Variants in ANKRD27 observed in about 807,000 individuals in gnomAD.
ANKRD27 encodes the protein ankyrin repeat domain-containing protein 27.
Under a neutral mutation model 129.7 loss-of-function variants are expected in ANKRD27, and 112 were observed. That is an observed-to-expected ratio of 0.86 (90% CI 0.74 to 1.01). ANKRD27 has a LOEUF of 1.01. Ranked by LOEUF, ANKRD27 falls within the 50% of genes least tolerant of loss-of-function variation. The probability of loss-of-function intolerance (pLI) is 0.00; values close to 1 mark genes in which losing one functional copy is unlikely to be tolerated. For synonymous variants in ANKRD27, 516 were observed against 511.2 expected (o/e 1.01, Z -0.13); for missense variants, 1,258 against 1,300.5 (o/e 0.97, Z 0.50).
intron 1 of ANKRD27, among the ~76,000 whole-genome samples, chr19:32,671,313 A>C (rs988553884): frequency 1.3e-5 from 2 of 151,864 alleles, no homozygotes; most frequent in African/African-American, 4.8e-5. Context: ...ATAATCTCAT[A>C]TGATCTGGTG....
chr19:32,609,432 T>C (rs7250272), intron 22 of ANKRD27, among the ~76,000 whole-genome samples: 88,861 of 152,000 alleles, frequency 0.58, 27,098 homozygotes, highest in Non-Finnish European at 0.69. Flanking sequence ...AGATGTCCAT[T>C]AACAGGTGAA....
chr19:32,667,850 T>G (rs1599779223), intron 1 of ANKRD27, among the ~76,000 whole-genome samples: 4 of 112,222 alleles, frequency 3.6e-5, no homozygotes, highest in Non-Finnish European at 4.0e-5. Flanking sequence ...AAAAAAAAAG[T>G]CATTAGATGC....
At chr19:32,627,530 C>T (rs1288637656) in intron 15 of ANKRD27, among the ~76,000 whole-genome samples, 2 of 151,908 alleles carry the variant, frequency 1.3e-5, no homozygotes, top group Non-Finnish European at 2.9e-5. Flanking sequence ...TCCCAAGAAG[C>T]TGGGATTATA....
intron 20 of ANKRD27, among the ~76,000 whole-genome samples, chr19:32,618,487 A>G (rs950771815): frequency 3.3e-5 from 5 of 149,406 alleles, no homozygotes; most frequent in Non-Finnish European, 7.4e-5. Context: ...TACTGAACTC[A>G]GCTATCAGTA....
At chr19:32,600,841 A>G (rs1364477251) in intron 26 of ANKRD27, among the ~76,000 whole-genome samples, 2 of 152,164 alleles carry the variant, frequency 1.3e-5, no homozygotes. Context: ...GTATTGCATT[A>G]TTGCATACCT....
intron 10 of ANKRD27, among the ~76,000 whole-genome samples, chr19:32,640,792 T>G (rs1276891587): frequency 6.6e-6 from 1 of 152,062 alleles, no homozygotes; most frequent in East Asian, 1.9e-4. Flanking sequence ...TAATCCCAGG[T>G]ACTTGGGAGG....
intron 1 of ANKRD27, among the ~76,000 whole-genome samples, chr19:32,674,846 C>A (rs1300828375): frequency 1.3e-5 from 2 of 152,040 alleles, no homozygotes; most frequent in Non-Finnish European, 2.9e-5. Context: ...CCTCCAGACC[C>A]GAGGGGCGGA....
chr19:32,638,098 C>T (rs1278132745), intron 12 of ANKRD27: 1 of 152,342 alleles, frequency 6.6e-6, no homozygotes, highest in Non-Finnish European at 1.5e-5. Flanking sequence ...TGAAGCCCCA[C>T]CTTCAAGACA....
In ANKRD27 at chr19:32,607,716, C is replaced by G. The variant is rs868769706; in HGVS notation, c.2292G>C (p.Leu764=). Residue 764 remains leucine (L), a synonymous_variant, in exon 23 of 29, where the codon CTG becomes CTC. Transcript: ENST00000306065. ...HGRADLIPLL[L]KHGANAGARN... is the part of the protein sequence containing the mutation. Reference sequence around the variant, plus strand: ...TGGCACCTGCGTTGGCCCCGTGCTTCAGCAGGAGGGGGATGAGGTCCGCCC... The same window carrying G: ...TGGCACCTGCGTTGGCCCCGTGCTTGAGCAGGAGGGGGATGAGGTCCGCCC... 6.2e-7 allele frequency: 1 copy of G among 1,613,196 alleles called. No individual in the cohort carries two copies. The highest frequency in any genetic ancestry group is 8.5e-7 in the Non-Finnish European group (1 of 1,179,716).
intron 3 of ANKRD27, among the ~76,000 whole-genome samples, chr19:32,647,812 T>C (rs536952405): frequency 6.6e-6 from 1 of 152,332 alleles, no homozygotes; most frequent in Non-Finnish European, 1.5e-5. Flanking sequence ...CAGTAAGCCA[T>C]GCAGGGAGTA....
chr19:32,603,237 G>A (rs1208617937), intron 25 of ANKRD27, among the ~76,000 whole-genome samples: 1 of 152,140 alleles, frequency 6.6e-6, no homozygotes, highest in African/African-American at 2.4e-5. Flanking sequence ...GGCAGAGGTT[G>A]CAGTGAGCCA....
chr19:32,661,397 C>T (rs1352396907), intron 1 of ANKRD27, among the ~76,000 whole-genome samples: 2 of 152,052 alleles, frequency 1.3e-5, no homozygotes, highest in Admixed American at 6.6e-5. Context: ...ATGACATGAT[C>T]GTAGCTCACC....
At chr19:32,624,795 C>T (rs1431293368) in intron 17 of ANKRD27, among the ~76,000 whole-genome samples, 1 of 151,462 alleles carries the variant, frequency 6.6e-6, no homozygotes, top group East Asian at 1.9e-4. Flanking sequence ...TAAAAATTAG[C>T]CAGGCATGGT....
rs34066529 is a variant in ANKRD27 at position 32,662,311 on chromosome 19, CAAAAAAAAAAAAAAA to C, written c.-30-3281_-30-3267del. Reference sequence around the variant, plus strand: ...GGGCAAAAGAGAAAGACTCAGTCTCCAAAAAAAAAAAAAAAAAAAAAAAAAGGAAGTAGACTCATT... The same window carrying C: ...GGGCAAAAGAGAAAGACTCAGTCTCCAAAAAAAAAAGGAAGTAGACTCATT... On this transcript the variant is annotated intron_variant, in intron 1 of 28. Coordinates refer to ENST00000306065, the MANE Select transcript of ANKRD27 (RefSeq NM_032139.3). 8.9e-3 allele frequency among the ~76,000 whole-genome samples: 340 copies of C among 38,046 alleles called. 2 individuals are homozygous for C. The highest frequency in any genetic ancestry group is 0.013 in the Non-Finnish European group (291 of 22,522). 25.0% of individuals were successfully genotyped at this position (38,046 alleles called of 152,430 possible).
chr19:32,614,576 G>T (rs951641645), intron 22 of ANKRD27, among the ~76,000 whole-genome samples: 6 of 151,998 alleles, frequency 3.9e-5, no homozygotes, highest in Admixed American at 1.3e-4. Context: ...GTGGTGGTGG[G>T]TGCTATGGTC....
chr19:32,630,884 G>A (rs1368642393), intron 13 of ANKRD27, among the ~76,000 whole-genome samples: 2 of 151,962 alleles, frequency 1.3e-5, no homozygotes, highest in Non-Finnish European at 1.5e-5. Flanking sequence ...CTCCCACTTC[G>A]GCCTCCCAAA....
At chr19:32,615,537 C>T (rs1253296493) in intron 22 of ANKRD27, 121 bp downstream of exon 22, 6 of 1,518,788 alleles carry the variant, frequency 4.0e-6, no homozygotes, top group Non-Finnish European at 5.4e-6. Flanking sequence ...TGGGTCATGA[C>T]TGTACCACTG....
intron 2 of ANKRD27, among the ~76,000 whole-genome samples, chr19:32,654,231 T>C (rs1049785531): frequency 1.3e-5 from 2 of 152,102 alleles, no homozygotes; most frequent in Non-Finnish European, 2.9e-5. Context: ...TCACATTTTT[T>C]GGAGCCTGAT....
At position 32,631,825 on chromosome 19, in the gene ANKRD27, G is replaced by A. The variant is rs537784095; in HGVS notation, c.1117-331C>T. Among the ~76,000 whole-genome samples, 6 of 152,280 alleles carry A rather than the reference G, an allele frequency of 3.9e-5. No homozygotes were observed. In the South Asian group the frequency reaches 1.2e-3, roughly 32 times the overall value. On this transcript the variant is annotated intron_variant, in intron 12 of 28. Coordinates refer to ENST00000306065, the MANE Select transcript of ANKRD27 (RefSeq NM_032139.3). Reference sequence around the variant, plus strand: ...TCCAGATGGAAACTCACATTGCCGTGGCCTCCCTTCCTCCTCAAGCCTCTG... The same window carrying A: ...TCCAGATGGAAACTCACATTGCCGTAGCCTCCCTTCCTCCTCAAGCCTCTG...
Sources: gnomAD v4.1 joint callset for allele counts (sites outside exome capture counted in the v4.1 genomes callset) on GRCh38, gnomAD v4.1.1 for gene constraint, MANE v1.5 for transcripts, NCBI Gene and HGNC (gene_info 2026-07-23, HGNC 2026-07-21) for gene names.